The following LPAR1 variants were observed in gnomAD, a reference collection of about 807,000 sequenced individuals.
LPAR1 encodes the protein LPA receptor 1.
Under a neutral mutation model 23.8 loss-of-function variants are expected in LPAR1, and 5 were observed. That is an observed-to-expected ratio of 0.21 (90% CI 0.11 to 0.44). LPAR1 has a LOEUF of 0.44. LPAR1 is among the 20% of genes least tolerant of loss of function. The probability of loss-of-function intolerance (pLI) is 0.99; values close to 1 mark genes in which losing one functional copy is unlikely to be tolerated. For synonymous variants in LPAR1, 160 were observed against 164.7 expected (o/e 0.97, Z 0.22); for missense variants, 311 against 482.8 (o/e 0.64, Z 3.33).
At chr9:111,010,826 A>G (rs1046783738) in intron 2 of LPAR1, among the ~76,000 whole-genome samples, 1 of 152,186 alleles carries the variant, frequency 6.6e-6, no homozygotes, top group African/African-American at 2.4e-5. Flanking sequence ...AAATGTCATG[A>G]CTTCCCTTCT....
upstream of LPAR1, chr9:111,038,507 A>T: frequency 2.4e-6 from 1 of 413,892 alleles, no homozygotes; most frequent in Admixed American, 2.6e-5. The surrounding 1 kb of genome is among the most constrained non-coding windows in gnomAD (Gnocchi z 4.4). Context: ...GAGGGGGCGC[A>T]GAGGGAGGGC....
chr9:110,976,163 A>G (rs2096548703), intron 2 of LPAR1, among the ~76,000 whole-genome samples: 1 of 152,006 alleles, frequency 6.6e-6, no homozygotes, highest in African/African-American at 2.4e-5. Flanking sequence ...AGAGCCCCAG[A>G]CTGTCAACTA....
chr9:110,942,446 G>A (rs2095170551), intron 4 of LPAR1, among the ~76,000 whole-genome samples: 1 of 152,080 alleles, frequency 6.6e-6, no homozygotes, highest in South Asian at 2.1e-4. Flanking sequence ...AAGCCACATG[G>A]CCAAGAAATC....
intron 5 of LPAR1, among the ~76,000 whole-genome samples, chr9:110,885,699 CCT>C (rs1314202784): frequency 1.1e-4 from 16 of 152,202 alleles, no homozygotes; most frequent in Admixed American, 1.0e-3. Context: ...ACTGCCTCTT[CCT>C]TTTTTCCTAA....
chr9:111,007,777 T>C (rs186701953), intron 2 of LPAR1, among the ~76,000 whole-genome samples: 6 of 152,272 alleles, frequency 3.9e-5, no homozygotes, highest in Admixed American at 6.5e-5. Flanking sequence ...ATGTTTATCA[T>C]TGGAAAAGAA....
chr9:110,950,412 C>T (rs951954030), intron 4 of LPAR1, among the ~76,000 whole-genome samples: 13 of 144,246 alleles, frequency 9.0e-5, no homozygotes, highest in African/African-American at 3.1e-4. Flanking sequence ...TTGCAGTGAG[C>T]GGAGATAGCA....
chr9:110,953,458 G>A (rs949308570), intron 4 of LPAR1, among the ~76,000 whole-genome samples: 6 of 152,296 alleles, frequency 3.9e-5, no homozygotes, highest in Middle Eastern at 3.4e-3. Context: ...GAGGTCGGAA[G>A]TTCAAGACCA....
intron 5 of LPAR1, among the ~76,000 whole-genome samples, chr9:110,927,823 A>C (rs1479451536): frequency 3.9e-5 from 6 of 152,162 alleles, no homozygotes; most frequent in Admixed American, 3.3e-4. Flanking sequence ...TTTGACATAC[A>C]CAAAGATTTT....
intron 5 of LPAR1, among the ~76,000 whole-genome samples, chr9:110,925,676 T>G (rs2093967350): frequency 1.3e-5 from 2 of 152,160 alleles, no homozygotes; most frequent in South Asian, 4.1e-4. Context: ...CTCCAACCAC[T>G]AATCACAGCA....
At chr9:110,877,434 T>C (rs963875997) in intron 5 of LPAR1, among the ~76,000 whole-genome samples, 16 of 152,204 alleles carry the variant, frequency 1.1e-4, no homozygotes, top group African/African-American at 3.6e-4. Flanking sequence ...AAGGAGCAAT[T>C]TGAACTTCAA....
intron 5 of LPAR1, among the ~76,000 whole-genome samples, chr9:110,883,700 CTT>C (rs1491140656): frequency 4.6e-5 from 7 of 151,930 alleles, no homozygotes; most frequent in African/African-American, 1.7e-4. Flanking sequence ...TTTATTCTCT[CTT>C]TTGTTACAGA....
chr9:111,008,314 A>G (rs2097261233), intron 2 of LPAR1, among the ~76,000 whole-genome samples: 1 of 152,204 alleles, frequency 6.6e-6, no homozygotes, highest in South Asian at 2.1e-4. Flanking sequence ...AAAAACATGT[A>G]AAACTGCTGT....
In LPAR1 at chr9:110,974,027, T is replaced by C. The variant is rs2096492297; in HGVS notation, c.-181-469A>G. ...CTCTACTTAAAATATAAAAATTAGC[T>C]GGGCGTGGTGGCACACACCTACTCA... On this transcript the variant is annotated intron_variant, in intron 2 of 5. Transcript: ENST00000683809. Among the ~76,000 whole-genome samples the C allele has an allele frequency of 2.0e-5, 3 of 151,976 alleles. No individual in the cohort carries two copies. The South Asian group carries it at 6.2e-4, about 32-fold the overall frequency.
rs139474320 is a variant in LPAR1 at position 110,955,486 on chromosome 9, T to C, written c.46-13318A>G. ...TCCAATACAATAATGGTTGGTGACC[T>C]CAACACCCCACTCTCAGCATTGGGA... On this transcript the variant is annotated intron_variant, in intron 4 of 5. Transcript: ENST00000683809. Among the ~76,000 whole-genome samples the C allele has an allele frequency of 4.0e-3, 610 of 152,192 alleles. 4 individuals carry two copies. The highest frequency in any genetic ancestry group is 0.014 in the African/African-American group (571 of 41,528).
chr9:111,007,757 C>T lies in LPAR1; in HGVS notation c.-182+28365G>A, dbSNP rs1410422836. ...AAACACACCCTTTGACCTAGCAATC[C>T]TACTTCAAGATGTTTATCATTGGAA... On this transcript the variant is annotated intron_variant, in intron 2 of 5. Coordinates refer to ENST00000683809, the MANE Select transcript of LPAR1 (RefSeq NM_001351411.2). Among the ~76,000 whole-genome samples the T allele has an allele frequency of 2.0e-5, 3 of 152,268 alleles. No homozygotes were observed. In the East Asian group the frequency reaches 5.8e-4, roughly 29 times the overall value.
At chr9:111,031,374 T>G (rs555478241) in intron 2 of LPAR1, among the ~76,000 whole-genome samples, 1 of 126,736 alleles carries the variant, frequency 7.9e-6, no homozygotes. Flanking sequence ...CTGGGTAATG[T>G]AGTGAGAGCC....
chr9:111,033,674 C>T (rs188365744), intron 2 of LPAR1, among the ~76,000 whole-genome samples: 1,683 of 152,314 alleles, frequency 0.011, 14 homozygotes, highest in Non-Finnish European at 0.016. Context: ...GCCTCAGCCT[C>T]CTGAGTAGCT....
At chr9:111,028,132 ATTT>A (rs564873913) in intron 2 of LPAR1, among the ~76,000 whole-genome samples, 1 of 144,504 alleles carries the variant, frequency 6.9e-6, no homozygotes, top group Non-Finnish European at 1.5e-5. Flanking sequence ...TGGAATAAGA[ATTT>A]TTTTTTTTTT....
chr9:111,004,475 C>T (rs527869576), intron 2 of LPAR1, among the ~76,000 whole-genome samples: 8 of 152,248 alleles, frequency 5.3e-5, no homozygotes, highest in African/African-American at 1.7e-4. Context: ...TGAACCATGG[C>T]TTCCTCCACC....
Sources: gnomAD v4.1 joint callset for allele counts (sites outside exome capture counted in the v4.1 genomes callset) on GRCh38, gnomAD v4.1.1 for gene constraint, Gnocchi (gnomAD v3.1) non-coding constraint, MANE v1.5 for transcripts, NCBI Gene and HGNC (gene_info 2026-07-23, HGNC 2026-07-21) for gene names.